The following LSS variants were observed in gnomAD, a reference collection of about 807,000 sequenced individuals.
The protein encoded by LSS is lanosterol synthase, also known as 2,3-epoxysqualene-lanosterol cyclase.
A neutral mutation model predicts 110.3 loss-of-function variants in LSS; 90 were observed. The observed-to-expected ratio is 0.82, with a 90% CI of 0.69 to 0.97. The LOEUF (loss-of-function observed/expected upper bound fraction) is 0.97, where lower values mean the gene tolerates loss of function less well. Ranked by LOEUF, LSS falls within the 50% of genes least tolerant of loss-of-function variation. The probability of loss-of-function intolerance (pLI) is 0.00; values close to 1 mark genes in which losing one functional copy is unlikely to be tolerated. For missense variants in LSS, 927 were observed against 990.0 expected, an observed-to-expected ratio of 0.94 and a Z score of 0.85; for synonymous variants, 433 against 400.0, an observed-to-expected ratio of 1.08 and a Z score of -0.98.
At position 46,206,700 on chromosome 21, in the gene LSS, C is replaced by T. The variant is rs760125781; in HGVS notation, c.1536G>A (p.Leu512=). ...TYETKRGGHL[L]ELLNPSEVFG... is the part of the protein sequence containing the mutation. The stretch of plus-strand genomic sequence containing the variant: ...AGACCTCCGAGGGGTTCAGCAGCTC[C>T]AGCAAGTGCCCCCCACGCTTGGTCT... The change falls in exon 16 of 22, where the codon CTG becomes CTA. Residue 512 remains leucine, a synonymous_variant. Transcript: ENST00000397728. The T allele has an allele frequency of 1.9e-6, 3 of 1,613,076 alleles. No homozygotes were observed. Among genetic ancestry groups the T allele is most frequent in the Admixed American group, 3.3e-5 (2 of 60,024 alleles).
Position 46,194,480 on chromosome 21 carries a change from G to A in LSS, c.1988+11C>T, listed in dbSNP as rs565888757. ...AAACCCAAGGCTCAGGGACGGTCCC[G>A]TCGTCCCCACCGAACGGCCATCAGC... On this transcript the variant is annotated intron_variant, in intron 20 of 21. Transcript: ENST00000397728. 19 of 1,612,728 alleles carry A rather than the reference G, an allele frequency of 1.2e-5. No homozygotes were observed. The East Asian group carries it at 2.0e-4, about 17-fold the overall frequency.
intron 20 of LSS, chr21:46,192,739 C>T (rs377257418): frequency 5.9e-5 from 26 of 442,666 alleles, no homozygotes; most frequent in Middle Eastern, 3.4e-4. Context: ...TGGGATACTG[C>T]GGGTGCATCT....
At chr21:46,212,965 A>G (rs1353262649) in intron 11 of LSS, 60 bp downstream of exon 11, 2 of 1,606,440 alleles carry the variant, frequency 1.2e-6, no homozygotes, top group Non-Finnish European at 1.7e-6. Flanking sequence ...CAAAGGAAAA[A>G]TAATAAAGGG....
At chr21:46,201,036 G>C (rs1488291794) in intron 17 of LSS, among the ~76,000 whole-genome samples, 18 of 144,386 alleles carry the variant, frequency 1.2e-4, no homozygotes, top group Admixed American at 1.2e-3. Context: ...GGATCATGTG[G>C]GAGGACAGGT....
At chr21:46,195,008 C>T (rs950752397) in intron 19 of LSS, among the ~76,000 whole-genome samples, 4 of 152,228 alleles carry the variant, frequency 2.6e-5, no homozygotes, top group African/African-American at 4.8e-5. Context: ...AACATCCACA[C>T]GGCAGACTCT....
chr21:46,201,028 A>G (rs1435988449), intron 17 of LSS, among the ~76,000 whole-genome samples: 2 of 143,996 alleles, frequency 1.4e-5, no homozygotes, highest in African/African-American at 5.5e-5. Flanking sequence ...TAGAGCCTGG[A>G]TCATGTGGGA....
intron 20 of LSS, chr21:46,192,313 C>A: frequency 2.4e-6 from 1 of 419,916 alleles, no homozygotes; most frequent in East Asian, 5.5e-5. Flanking sequence ...TGCTTGCTGG[C>A]CAGGATAAGA....
chr21:46,221,731 C>A (rs2080281378), intron 5 of LSS, 123 bp downstream of exon 5: 2 of 1,419,502 alleles, frequency 1.4e-6, no homozygotes, highest in Non-Finnish European at 9.8e-7. Flanking sequence ...TTGACAAATT[C>A]CCTGCTCATG....
At chr21:46,201,653 T>TTTTGTAA (rs2079979274) in intron 17 of LSS, among the ~76,000 whole-genome samples, 1 of 152,152 alleles carries the variant, frequency 6.6e-6, no homozygotes, top group Non-Finnish European at 1.5e-5. Flanking sequence ...GGAGCACTTT[T>TTTTGTAA]CAGTATTTTT....
chr21:46,227,789 T>C (rs558741341), intron 2 of LSS, 99 bp from the exon 3 acceptor site: 23 of 1,358,830 alleles, frequency 1.7e-5, no homozygotes, highest in Non-Finnish European at 2.1e-5. Flanking sequence ...AAACAGTGAA[T>C]GTAAATTACT....
rs2079784262 is a variant in LSS, at chr21:46,189,989, G to C, written c.*1115C>G. 1 of 298,086 alleles carries C rather than the reference G, an allele frequency of 3.4e-6. No homozygotes were observed. The highest frequency in any genetic ancestry group is 6.6e-6 in the Non-Finnish European group (1 of 152,498). 18.5% of individuals were successfully genotyped at this position (298,086 alleles called of 1,614,324 possible). A position where few individuals can be genotyped will look rare whatever the true frequency, so the allele number is the denominator to read the frequency against. On this transcript the variant is annotated 3_prime_UTR_variant, in exon 22 of 22. Coordinates refer to ENST00000397728, the MANE Select transcript of LSS (RefSeq NM_002340.6). The stretch of plus-strand genomic sequence containing the variant: ...GTCAGAGGCTAGAAGGGAGCTCACA[G>C]GATTGCCTGGGGAAGCCTCGGCCCA...
intron 6 of LSS, among the ~76,000 whole-genome samples, chr21:46,217,450 A>G (rs1461540013): frequency 6.6e-6 from 1 of 151,998 alleles, no homozygotes; most frequent in Non-Finnish European, 1.5e-5. Flanking sequence ...TGCTAGCCCC[A>G]TCCTTAAGTG....
Position 46,207,446 on chromosome 21 carries a change from G to A in LSS, c.1449C>T (p.Leu483=). 1 of 1,612,558 alleles carries A rather than the reference G, an allele frequency of 6.2e-7. No individual in the cohort carries two copies. Among genetic ancestry groups the A allele is most frequent in the Non-Finnish European group, 8.5e-7 (1 of 1,179,668 alleles). Residue 483 remains leucine (L), a synonymous_variant, in exon 15 of 22, where the codon CTC becomes CTT. Coordinates refer to ENST00000397728, the MANE Select transcript of LSS (RefSeq NM_002340.6). The part of the protein sequence containing the change: ...HVTEHIPRER[L]CDAVAVLLNM... Reference sequence around the variant, plus strand: ...GCCTTACCACAGCCACAGCATCGCAGAGCCGTTCTCTGGGGATGTGCTCGG... The same window carrying A: ...GCCTTACCACAGCCACAGCATCGCAAAGCCGTTCTCTGGGGATGTGCTCGG...
At chr21:46,227,383 C>T in intron 3 of LSS, 169 bp downstream of exon 3, 1 of 769,234 alleles carries the variant, frequency 1.3e-6, no homozygotes, top group Non-Finnish European at 2.0e-6. Context: ...TAGCTGATCC[C>T]CTAGACCAAT....
Position 46,216,574 on chromosome 21 carries a change from CCCT to C in LSS, c.648-53_648-51del. On this transcript the variant is annotated intron_variant, in intron 6 of 21. Transcript: ENST00000397728. This position sits in a 1 kb window ranked among gnomAD's most constrained non-coding sequence, Gnocchi z 4.2. Reference sequence around the variant, plus strand: ...GGAGACCCCAAGACTCAAGCCTGCCCCCTCCGCCAGCATCCATACCTTGGGCCC... The same window carrying C: ...GGAGACCCCAAGACTCAAGCCTGCCCCCGCCAGCATCCATACCTTGGGCCC... The C allele has an allele frequency of 6.7e-7, 1 of 1,497,588 alleles. No individual in the cohort carries two copies. The highest frequency in any genetic ancestry group is 2.2e-5 in the Admixed American group (1 of 44,486). 92.8% of individuals were successfully genotyped at this position (1,497,588 alleles called of 1,614,324 possible). A position where few individuals can be genotyped will look rare whatever the true frequency, so the allele number is the denominator to read the frequency against.
At chr21:46,210,063 CT>C (rs71318051) in intron 12 of LSS, among the ~76,000 whole-genome samples, 249 of 107,596 alleles carry the variant, frequency 2.3e-3, no homozygotes, top group Middle Eastern at 6.5e-3. Context: ...AGTTCCAGTT[CT>C]TTTTTTTTTT....
Position 46,221,976 on chromosome 21 carries a change from C to G in LSS, c.429-1G>C. On this transcript the variant is annotated splice_acceptor_variant, in intron 4 of 21. Coordinates refer to ENST00000397728, the MANE Select transcript of LSS (RefSeq NM_002340.6). LOFTEE classifies it high-confidence loss of function. ...CACGGTGGACTTATCCTCAATGTGC[C>G]TACAGGAGCAGAGGACAGGTGAGAA... 1 of 1,614,156 alleles carries G rather than the reference C, an allele frequency of 6.2e-7. No homozygotes were observed. The highest frequency in any genetic ancestry group is 8.5e-7 in the Non-Finnish European group (1 of 1,180,016).
At chr21:46,213,198 G>A in intron 10 of LSS, 146 bp from the exon 11 acceptor site, 12 of 746,220 alleles carry the variant, frequency 1.6e-5, no homozygotes, top group Non-Finnish European at 2.8e-5. Context: ...CCCCAGCTGG[G>A]CTGCTGGGCT....
chr21:46,192,121 C>G, intron 20 of LSS, 162 bp from the exon 21 acceptor site: 1 of 648,942 alleles, frequency 1.5e-6, no homozygotes, highest in Non-Finnish European at 2.8e-6. Flanking sequence ...GCCAGCGCCT[C>G]GGGCTCTTGC....
Sources: allele counts gnomAD v4.1 joint callset (sites outside exome capture counted in the v4.1 genomes callset), GRCh38; gene constraint gnomAD v4.1.1; non-coding constraint Gnocchi (gnomAD v3.1); transcripts MANE v1.5; gene names NCBI Gene and HGNC (gene_info 2026-07-23, HGNC 2026-07-21).